The following CHFR variants were observed in gnomAD, a reference collection of about 807,000 sequenced individuals.
CHFR encodes E3 ubiquitin-protein ligase CHFR.
CHFR carries 57 observed loss-of-function variants against 87.6 expected under a neutral mutation model. The ratio of observed to expected loss-of-function variants is 0.65; its 90% CI spans 0.53 to 0.81. The LOEUF (loss-of-function observed/expected upper bound fraction) is 0.81, where lower values mean the gene tolerates loss of function less well. Ranked by LOEUF, CHFR falls within the 30% of genes least tolerant of loss-of-function variation. The pLI, the probability that CHFR is intolerant of heterozygous loss-of-function variation, is 0.00. For missense variants in CHFR, 797 were observed against 865.8 expected, an observed-to-expected ratio of 0.92 and a Z score of 1.00; for synonymous variants, 381 against 359.2, an observed-to-expected ratio of 1.06 and a Z score of -0.69.
chr12:132,880,607 A>C (rs1951744654), intron 2 of CHFR, among the ~76,000 whole-genome samples: 1 of 150,506 alleles, frequency 6.6e-6, no homozygotes, highest in African/African-American at 2.5e-5. Context: ...GCAGTGAGCC[A>C]AGATGGTGCC....
Position 132,853,471 on chromosome 12 carries a change from G to T in CHFR, c.1332C>A (p.Ala444=). The T allele has an allele frequency of 6.5e-7, 1 of 1,545,746 alleles. No homozygotes were observed. The highest frequency in any genetic ancestry group is 2.4e-5 in the East Asian group (1 of 40,818). The change falls in exon 11 of 18, where the codon GCC becomes GCA. Residue 444 remains alanine (A), a synonymous_variant. Coordinates refer to ENST00000450056, the MANE Select transcript of CHFR (RefSeq NM_001161346.2). The part of the protein sequence containing the change: ...APEGEPGAPQ[A]LGDAPSTSVS... ...CGGACGTGGAGGGTGCATCCCCCAGGGCCTGTGGGGCTCCTGGCTCGCCCT... is the reference window on the plus strand; with the variant it reads ...CGGACGTGGAGGGTGCATCCCCCAGTGCCTGTGGGGCTCCTGGCTCGCCCT...
In CHFR at chr12:132,839,957, T is replaced by TC. The variant is rs66881773; in HGVS notation, c.*1596dup. ...CTCGCCCCTGCACTAACTCGGGACC[T>TC]CCCTGCTCAGCCTCGCCCCTGCACT... On this transcript the variant is annotated 3_prime_UTR_variant, in exon 18 of 18. Transcript: ENST00000450056. 208 of 11,608 alleles carry TC rather than the reference T, an allele frequency of 0.018. 4 individuals are homozygous for TC. Among genetic ancestry groups the TC allele is most frequent in the East Asian group, 0.04 (7 of 176 alleles). The allele number at this position is 11,608 out of a possible 1,614,324, so 0.7% of individuals were successfully genotyped here.
chr12:132,885,709 G>A (rs1951875282), intron 2 of CHFR, among the ~76,000 whole-genome samples: 1 of 152,090 alleles, frequency 6.6e-6, no homozygotes, highest in Admixed American at 6.5e-5. Flanking sequence ...TTCCTTCTAA[G>A]CAGTCCGTGT....
Position 132,853,892 on chromosome 12 carries a change from C to T in CHFR, c.1230-319G>A, listed in dbSNP as rs550906057. On this transcript the variant is annotated intron_variant, in intron 10 of 17. Coordinates refer to ENST00000450056, the MANE Select transcript of CHFR (RefSeq NM_001161346.2). ...AGAGCAGGGCAAGGGCCAGCACGTG[C>T]GCGCACGCCCCGTGCTCCTCAGGAC... 26 of 346,910 alleles carry T rather than the reference C, an allele frequency of 7.5e-5. No individual in the cohort carries two copies. The South Asian group carries it at 7.7e-4, about 10-fold the overall frequency. 21.5% of individuals were successfully genotyped at this position (346,910 alleles called of 1,614,324 possible).
chr12:132,853,381 C>A, intron 11 of CHFR, 50 bp downstream of exon 11: 5 of 1,445,158 alleles, frequency 3.5e-6, no homozygotes, highest in Non-Finnish European at 4.5e-6. Context: ...CCGGGCACAG[C>A]CACAAAGTGA....
At position 132,848,728 on chromosome 12, in the gene CHFR, T is replaced by G. The variant is rs1272667220; in HGVS notation, c.1493-4A>C. ...AAAGGCTGCAGGCAGACCGCACCTG[T>G]GGAGAGAGGACACTCGTTACACGCA... On this transcript the variant is annotated splice_region_variant and splice_polypyrimidine_tract_variant and intron_variant, in intron 12 of 17. Transcript: ENST00000450056. 3 of 1,577,598 alleles carry G rather than the reference T, an allele frequency of 1.9e-6. No individual in the cohort carries two copies. In the South Asian group the frequency reaches 3.5e-5, roughly 18 times the overall value.
chr12:132,883,133 A>G (rs980483491), intron 2 of CHFR: 3 of 152,242 alleles, frequency 2.0e-5, no homozygotes, highest in South Asian at 2.1e-4. Context: ...CTCTCTTAGA[A>G]TAAAGAGCTC....
chr12:132,862,782 G>A (rs1010100264), intron 6 of CHFR, among the ~76,000 whole-genome samples: 4 of 151,804 alleles, frequency 2.6e-5, no homozygotes, highest in East Asian at 3.9e-4. Context: ...GGGTTTCACC[G>A]TGTTAGCCAG....
chr12:132,861,375 A>C (rs950272011), intron 7 of CHFR, 92 bp downstream of exon 7: 1 of 1,312,230 alleles, frequency 7.6e-7, no homozygotes, highest in East Asian at 2.3e-5. Flanking sequence ...CCCTGCAGGA[A>C]GCAATGCCCC....
At position 132,853,464 on chromosome 12, in the gene CHFR, C is replaced by T; in HGVS notation, c.1339G>A (p.Asp447Asn). 1.3e-6 allele frequency: 2 copies of T among 1,536,692 alleles called. No individual in the cohort carries two copies. The highest frequency in any genetic ancestry group is 1.2e-5 in the South Asian group (1 of 80,680). The change falls in exon 11 of 18, where the codon GAT (aspartate) becomes AAT (asparagine). Residue 447 changes from aspartate to asparagine, a missense_variant. This residue lies in a region of CHFR where 597 missense variants were observed against 601.2 expected (regional missense o/e 0.99). Coordinates refer to ENST00000450056, the MANE Select transcript of CHFR (RefSeq NM_001161346.2). ...AGGCTGACGGACGTGGAGGGTGCAT[C>T]CCCCAGGGCCTGTGGGGCTCCTGGC... ...GEPGAPQALG[D>N]APSTSVSLTT...
At chr12:132,877,872 G>A (rs533911569) in intron 2 of CHFR, among the ~76,000 whole-genome samples, 23 of 151,802 alleles carry the variant, frequency 1.5e-4, no homozygotes, top group South Asian at 4.2e-4. Context: ...GCACCATCTC[G>A]GCTCACTGCA....
chr12:132,881,803 G>A (rs1218414692), intron 2 of CHFR, among the ~76,000 whole-genome samples: 1 of 151,362 alleles, frequency 6.6e-6, no homozygotes, highest in East Asian at 1.9e-4. Context: ...GGGAGGCGGA[G>A]GTTGCAGTGA....
At chr12:132,881,069 C>T (rs1291926682) in intron 2 of CHFR, among the ~76,000 whole-genome samples, 1 of 152,014 alleles carries the variant, frequency 6.6e-6, no homozygotes, top group Non-Finnish European at 1.5e-5. Flanking sequence ...GACTTCGAGA[C>T]CAGCCTGGCC....
chr12:132,856,755 C>T (rs1430274110), intron 9 of CHFR, 125 bp from the exon 10 acceptor site: 17 of 1,075,936 alleles, frequency 1.6e-5, no homozygotes, highest in South Asian at 1.3e-4. Context: ...ACCGCCCTCA[C>T]GTGCCCGGGT....
chr12:132,852,052 C>T (rs1035269125), intron 11 of CHFR, among the ~76,000 whole-genome samples: 6 of 151,758 alleles, frequency 4.0e-5, no homozygotes, highest in Non-Finnish European at 7.4e-5. Context: ...GGCGTGATCT[C>T]GGCTCACTGC....
At chr12:132,847,796 T>G in intron 14 of CHFR, 1 of 1,253,024 alleles carries the variant, frequency 8.0e-7, no homozygotes, top group Non-Finnish European at 1.0e-6. Flanking sequence ...CCGAGAGCTG[T>G]GGGAACAAGA....
Position 132,876,920 on chromosome 12 carries a change from G to A in CHFR, c.233+635C>T, listed in dbSNP as rs1028415034. ...AGTGATTCTCCTGTCTCAGCCTCCCGAGTAGCTGGGATTACAGGCGCATGC... is the reference window on the plus strand; with the variant it reads ...AGTGATTCTCCTGTCTCAGCCTCCCAAGTAGCTGGGATTACAGGCGCATGC... On this transcript the variant is annotated intron_variant, in intron 3 of 17. Coordinates refer to ENST00000450056, the MANE Select transcript of CHFR (RefSeq NM_001161346.2). Among the ~76,000 whole-genome samples, 5 of 152,010 alleles carry A rather than the reference G, an allele frequency of 3.3e-5. 1 individual carries two copies. In the South Asian group the frequency reaches 6.2e-4, roughly 19 times the overall value.
intron 11 of CHFR, among the ~76,000 whole-genome samples, chr12:132,852,763 G>A (rs6560908): frequency 0.26 from 40,065 of 152,262 alleles, 5,588 homozygotes; most frequent in Middle Eastern, 0.42. Flanking sequence ...AGAAGCCACT[G>A]AGAATGCAGC....
chr12:132,863,210 A>T (rs867600078), intron 6 of CHFR, among the ~76,000 whole-genome samples: 17 of 133,206 alleles, frequency 1.3e-4, no homozygotes, highest in Non-Finnish European at 2.1e-4. Context: ...CTCATTTCTT[A>T]AAAAAAAAAA....
Sources: allele counts gnomAD v4.1 joint callset (sites outside exome capture counted in the v4.1 genomes callset), GRCh38; gene constraint gnomAD v4.1.1; regional missense constraint gnomAD v4.1.1; transcripts MANE v1.5; gene names NCBI Gene and HGNC (gene_info 2026-07-23, HGNC 2026-07-21).